Variants in APAF1 observed in about 807,000 individuals in gnomAD.
APAF1 encodes the protein apoptotic peptidase activating factor 1.
APAF1 carries 91 observed loss-of-function variants against 152.4 expected under a neutral mutation model. The observed-to-expected ratio is 0.60, with a 90% CI of 0.50 to 0.71. APAF1 has a LOEUF of 0.71. APAF1 is among the 30% of genes least tolerant of loss of function. APAF1 has a pLI of 0.00. For missense variants in APAF1, 1,283 were observed against 1,472.0 expected, an observed-to-expected ratio of 0.87 and a Z score of 2.10; for synonymous variants, 484 against 494.1, an observed-to-expected ratio of 0.98 and a Z score of 0.27.
chr12:98,671,641 A>C lies in APAF1; in HGVS notation c.1715A>C (p.Glu572Ala). ...NIVQLGLCEP[E>A]TSEVYQQAKL... ...GTACAACTGGGTCTCTGTGAGCCGG[A>C]AACTTCAGAAGTTTATCAGCAAGCT... Residue 572 changes from glutamate to alanine, a missense_variant, in exon 12 of 27, where the codon GAA (glutamate) becomes GCA (alanine). Coordinates refer to ENST00000551964, the MANE Select transcript of APAF1 (RefSeq NM_181861.2). The C allele has an allele frequency of 1.2e-6, 2 of 1,614,030 alleles. No homozygotes were observed. Among genetic ancestry groups the C allele is most frequent in the Non-Finnish European group, 1.7e-6 (2 of 1,180,004 alleles).
chr12:98,709,652 C>T (rs974040856), intron 20 of APAF1, among the ~76,000 whole-genome samples: 1 of 152,116 alleles, frequency 6.6e-6, no homozygotes, highest in Non-Finnish European at 1.5e-5. Context: ...CCAAGCAGAA[C>T]AGCAGAGTAT....
At chr12:98,709,319 GCCA>G (rs2097725254) in intron 20 of APAF1, among the ~76,000 whole-genome samples, 1 of 152,154 alleles carries the variant, frequency 6.6e-6, no homozygotes, top group South Asian at 2.1e-4. Context: ...TTCTCCTTCT[GCCA>G]CCCAACAAAG....
intron 9 of APAF1, 22 bp from the exon 10 acceptor site, chr12:98,667,491 G>A (rs376687206): frequency 6.3e-5 from 102 of 1,611,820 alleles, no homozygotes; most frequent in Non-Finnish European, 1.1e-5. Context: ...TCTGGCTTCT[G>A]AAACGTTTCA....
chr12:98,717,067 A>G (rs374004436), intron 22 of APAF1, among the ~76,000 whole-genome samples: 35 of 151,716 alleles, frequency 2.3e-4, no homozygotes, highest in African/African-American at 8.2e-4. Flanking sequence ...ATGAGATTCC[A>G]CCATGCTGGC....
rs375497407 is a variant in APAF1 at position 98,683,204 on chromosome 12, A to G, written c.2108A>G (p.Asn703Ser). 2.5e-5 allele frequency: 40 copies of G among 1,613,354 alleles called. No homozygotes were observed. The highest frequency in any genetic ancestry group is 2.6e-5 in the Non-Finnish European group (31 of 1,179,472). The change falls in exon 15 of 27, where the codon AAT (asparagine) becomes AGT (serine). Residue 703 changes from asparagine (N) to serine (S), a missense_variant. By Grantham distance (46) the Asn-to-Ser change is conservative. Coordinates refer to ENST00000551964, the MANE Select transcript of APAF1 (RefSeq NM_181861.2). The stretch of plus-strand genomic sequence containing the variant: ...TATGATGAGCACTCAGAGCAAGTCA[A>G]TTGCTGCCATTTCACCAACAGTAGT... ...HTYDEHSEQVNCCHFTNSSHH... is the reference protein window; with the variant it reads ...HTYDEHSEQVSCCHFTNSSHH...
intron 19 of APAF1, among the ~76,000 whole-genome samples, chr12:98,707,094 A>AT (rs35072360): frequency 6.0e-5 from 9 of 151,202 alleles, no homozygotes; most frequent in Non-Finnish European, 8.8e-5. Context: ...CTTCTAAGAT[A>AT]TTTTTTTTTC....
intron 13 of APAF1, among the ~76,000 whole-genome samples, chr12:98,679,557 T>A (rs2097690148): frequency 6.6e-6 from 1 of 152,236 alleles, no homozygotes; most frequent in African/African-American, 2.4e-5. Context: ...GGCTGAGACA[T>A]GCCCCTTGCT....
rs536052629 is a variant in APAF1 at position 98,708,160 on chromosome 12, G to A, written c.2722-425G>A. The stretch of plus-strand genomic sequence containing the variant: ...TAGGGTTTCACCATGTTGGTCAGAC[G>A]TCTTGAACTCCTGACCTCAGGTGAT... On this transcript the variant is annotated intron_variant, in intron 19 of 26. Coordinates refer to ENST00000551964, the MANE Select transcript of APAF1 (RefSeq NM_181861.2). Among the ~76,000 whole-genome samples, 206 of 152,196 alleles carry A rather than the reference G, an allele frequency of 1.4e-3. 3 individuals are homozygous for A. The highest frequency in any genetic ancestry group is 4.5e-3 in the African/African-American group (189 of 41,556).
In APAF1 at chr12:98,665,603, A is replaced by G. The variant is rs2097671719; in HGVS notation, c.1006A>G (p.Asn336Asp). 2 of 1,613,914 alleles carry G rather than the reference A, an allele frequency of 1.2e-6. No individual in the cohort carries two copies. Among genetic ancestry groups the G allele is most frequent in the African/African-American group, 1.3e-5 (1 of 74,996 alleles). Residue 336 changes from asparagine to aspartate, a missense_variant, in exon 8 of 27, where the codon AAT becomes GAT. Transcript: ENST00000551964. ...TGGTGCACTTTTACGTGATTTTCCC[A>G]ATCGCTGGGAGTACTACCTCAAACA... ...LIGALLRDFPNRWEYYLKQLQ... is the reference protein window; with the variant it reads ...LIGALLRDFPDRWEYYLKQLQ...
rs2097694708 is a variant in APAF1, at chr12:98,683,508, C to T, written c.2178+234C>T. 2.6e-5 allele frequency among the ~76,000 whole-genome samples: 4 copies of T among 152,124 alleles called. 1 individual carries two copies. The South Asian group carries it at 8.3e-4, about 31-fold the overall frequency. Reference sequence around the variant, plus strand: ...GCATAGCTGACTCCAAATGCTTAAACTGTGTTCTCAGGCTCTACCTCCCTT... The same window carrying T: ...GCATAGCTGACTCCAAATGCTTAAATTGTGTTCTCAGGCTCTACCTCCCTT... On this transcript the variant is annotated intron_variant, in intron 15 of 26. Coordinates refer to ENST00000551964, the MANE Select transcript of APAF1 (RefSeq NM_181861.2).
chr12:98,646,674 A>G (rs1319822814), intron 1 of APAF1, among the ~76,000 whole-genome samples: 1 of 152,214 alleles, frequency 6.6e-6, no homozygotes, highest in African/African-American at 2.4e-5. Context: ...TGAATGAATG[A>G]ATTGATAAAC....
In APAF1 at chr12:98,649,612, AT is replaced by A; in HGVS notation, c.455del (p.Ile152AsnfsTer12). On this transcript the variant is annotated frameshift_variant, in exon 4 of 27. Transcript: ENST00000551964. LOFTEE classifies it high-confidence loss of function. ...GAAAGGTGAACCAGGATGGGTCACC[AT>A]ACATGGAATGGCAGGCTGTGGGAAG... ...KLKGEPGWVT[I>X]HGMAGCGKSV... is the part of the protein sequence containing the mutation. 1 of 1,614,182 alleles carries A rather than the reference AT, an allele frequency of 6.2e-7. No homozygotes were observed. The highest frequency in any genetic ancestry group is 8.5e-7 in the Non-Finnish European group (1 of 1,179,996).
At chr12:98,648,140 G>C (rs1185815655) in intron 1 of APAF1, among the ~76,000 whole-genome samples, 179 bp from the exon 2 acceptor site, 1 of 152,066 alleles carries the variant, frequency 6.6e-6, no homozygotes, top group East Asian at 1.9e-4. Context: ...TCCCCAATTA[G>C]TGCATAAGAA....
chr12:98,657,261 C>T (rs1317614072), intron 4 of APAF1, among the ~76,000 whole-genome samples: 2 of 152,234 alleles, frequency 1.3e-5, no homozygotes, highest in African/African-American at 2.4e-5. Flanking sequence ...TCTATTCATA[C>T]TATCAGTCCT....
At chr12:98,729,381 G>T (rs974317374) in intron 26 of APAF1, among the ~76,000 whole-genome samples, 1 of 152,172 alleles carries the variant, frequency 6.6e-6, no homozygotes, top group Non-Finnish European at 1.5e-5. Flanking sequence ...TTAGATTCTC[G>T]TAAGGAGTGC....
chr12:98,707,057 T>G (rs2097722102), intron 19 of APAF1, among the ~76,000 whole-genome samples: 1 of 152,178 alleles, frequency 6.6e-6, no homozygotes, highest in Non-Finnish European at 1.5e-5. Flanking sequence ...CTGCCACAAG[T>G]CTTCTTTCTT....
intron 16 of APAF1, among the ~76,000 whole-genome samples, chr12:98,691,690 G>T (rs1201538046): frequency 6.6e-6 from 1 of 151,540 alleles, no homozygotes; most frequent in African/African-American, 2.4e-5. Flanking sequence ...TATTACTATT[G>T]GTCAAACCCC....
intron 24 of APAF1, 94 bp downstream of exon 24, chr12:98,723,858 C>T: frequency 4.7e-6 from 6 of 1,276,096 alleles, no homozygotes; most frequent in South Asian, 2.4e-5. Flanking sequence ...AACAGTTGCT[C>T]TCTACATGTC....
In APAF1 at chr12:98,649,480, AT is replaced by A. The variant is rs768457157; in HGVS notation, c.329-3del. 1.9e-6 allele frequency: 3 copies of A among 1,613,658 alleles called. No individual in the cohort carries two copies. The highest frequency in any genetic ancestry group is 2.7e-5 in the African/African-American group (2 of 74,858). On this transcript the variant is annotated splice_region_variant and splice_polypyrimidine_tract_variant and intron_variant, in intron 3 of 26. Coordinates refer to ENST00000551964, the MANE Select transcript of APAF1 (RefSeq NM_181861.2). Reference sequence around the variant, plus strand: ...TTCATTCATGCTTGTTTTGTTTTGGATTTTAGTAAGGACAGTCCTGTGTGAA... The same window carrying A: ...TTCATTCATGCTTGTTTTGTTTTGGATTTAGTAAGGACAGTCCTGTGTGAA...
Sources: allele counts gnomAD v4.1 joint callset (sites outside exome capture counted in the v4.1 genomes callset), GRCh38; gene constraint gnomAD v4.1.1; transcripts MANE v1.5; gene names NCBI Gene and HGNC (gene_info 2026-07-23, HGNC 2026-07-21).